POLR1B: variants seen among roughly 807,000 people sequenced by gnomAD.
POLR1B encodes DNA-directed RNA polymerase I subunit RPA2.
In POLR1B, 30 loss-of-function variants were observed where a neutral mutation model predicts 105.8. The ratio of observed to expected loss-of-function variants is 0.28; its 90% CI spans 0.21 to 0.38. The LOEUF is 0.38. Among genes scored for constraint, POLR1B ranks in the 10% least tolerant of loss-of-function variants. The pLI is 1.00. For missense variants in POLR1B, 976 were observed against 1,435.8 expected, an observed-to-expected ratio of 0.68 and a Z score of 5.17; for synonymous variants, 485 against 505.1, an observed-to-expected ratio of 0.96 and a Z score of 0.53.
At chr2:112,572,909 G>T (rs878868901) in intron 13 of POLR1B, 151 bp downstream of exon 13, 44 of 644,188 alleles carry the variant, frequency 6.8e-5, no homozygotes, top group Admixed American at 4.2e-4. Flanking sequence ...AGTCTAAGTT[G>T]AAAGTGGGCA....
chr2:112,575,642 C>T lies in POLR1B; in HGVS notation c.3321C>T (p.Ile1107=), dbSNP rs770178332. 22 of 1,614,084 alleles carry T rather than the reference C, an allele frequency of 1.4e-5. No homozygotes were observed. In the East Asian group the frequency reaches 2.0e-4, roughly 15 times the overall value. ...CTCTGTGTAGTCGCAGTGACACTAT[C>T]GATACTGTTTCTGTGCCTTATGTTT... ...NCTLCSRSDT[I]DTVSVPYVFR... is the part of the protein sequence containing the mutation. Residue 1107 remains isoleucine (I), a synonymous_variant, in exon 15 of 15, where the codon ATC becomes ATT. Coordinates refer to ENST00000263331, the MANE Select transcript of POLR1B (RefSeq NM_019014.6). This position sits in a 1 kb window ranked among gnomAD's most constrained non-coding sequence, Gnocchi z 5.3.
Position 112,549,338 on chromosome 2 carries a change from T to C in POLR1B, c.564T>C (p.Asn188=). 1 of 1,613,712 alleles carries C rather than the reference T, an allele frequency of 6.2e-7. No homozygotes were observed. The highest frequency in any genetic ancestry group is 2.2e-5 in the East Asian group (1 of 44,856). ...VIRMLIMPRR[N]FPIAMIRPKW... is the part of the protein sequence containing the mutation. The stretch of plus-strand genomic sequence containing the variant: ...GAATGTTGATTATGCCTCGGAGAAA[T>C]TTTCCCATTGCAATGATAAGACCAA... Residue 188 remains asparagine (N), a synonymous_variant, in exon 4 of 15, where the codon AAT becomes AAC. Transcript: ENST00000263331.
At position 112,568,149 on chromosome 2, in the gene POLR1B, T is replaced by C. The variant is rs1165619568; in HGVS notation, c.1917+12T>C. On this transcript the variant is annotated intron_variant, in intron 11 of 14. Coordinates refer to ENST00000263331, the MANE Select transcript of POLR1B (RefSeq NM_019014.6). ...GAACTATGGAACAGGTAAATACATA[T>C]GTGTGATGGATGAGTGTATGTGCTT... is the stretch of plus-strand genomic sequence containing the variant. 4.4e-6 allele frequency: 7 copies of C among 1,607,978 alleles called. No individual in the cohort carries two copies. The South Asian group carries it at 6.6e-5, about 15-fold the overall frequency.
intron 6 of POLR1B, 101 bp from the exon 7 acceptor site, chr2:112,552,544 T>A: frequency 8.1e-7 from 1 of 1,240,478 alleles, no homozygotes; most frequent in Non-Finnish European, 1.1e-6. Flanking sequence ...TTTATTTAAT[T>A]AAAGTTAAGT....
intron 9 of POLR1B, among the ~76,000 whole-genome samples, chr2:112,562,806 A>C (rs563893451): frequency 7.0e-6 from 1 of 141,946 alleles, no homozygotes; most frequent in African/African-American, 2.6e-5. Context: ...GCTCACCGCA[A>C]CCTCCACCTC....
At chr2:112,568,616 C>A in intron 11 of POLR1B, 130 bp from the exon 12 acceptor site, 1 of 1,035,614 alleles carries the variant, frequency 9.7e-7, no homozygotes. Context: ...CAGTTGATCC[C>A]TTCAGCACTC....
intron 9 of POLR1B, among the ~76,000 whole-genome samples, chr2:112,560,462 C>T (rs1042391142): frequency 3.3e-5 from 5 of 152,024 alleles, no homozygotes. Flanking sequence ...AGATATATAA[C>T]CTTTTTTCCT....
chr2:112,542,426 C>G (rs1221669253), upstream of POLR1B: 1 of 1,329,120 alleles, frequency 7.5e-7, no homozygotes, highest in African/African-American at 1.5e-5. Context: ...GCCACTACTT[C>G]CGGCGTGTAC....
Position 112,550,881 on chromosome 2 carries a change from G to C in POLR1B, c.641G>C (p.Cys214Ser). The C allele has an allele frequency of 6.2e-7, 1 of 1,614,146 alleles. No homozygotes were observed. The highest frequency in any genetic ancestry group is 8.5e-7 in the Non-Finnish European group (1 of 1,179,994). ...GYTQYGVSMH[C>S]VREEHSAVNM... ...GGTTCAATAGGAGTTTCAATGCACT[G>C]TGTGAGGGAAGAACATTCCGCTGTC... The change falls in exon 5 of 15, where the codon TGT (cysteine) becomes TCT (serine). Residue 214 changes from cysteine to serine, a missense_variant. Transcript: ENST00000263331.
rs1296898524 is a variant in POLR1B, at chr2:112,551,883, G to C, written c.871G>C (p.Glu291Gln). 1 of 1,613,884 alleles carries C rather than the reference G, an allele frequency of 6.2e-7. No individual in the cohort carries two copies. The highest frequency in any genetic ancestry group is 8.5e-7 in the Non-Finnish European group (1 of 1,179,860). ...TTCTCAGATGTTAAGGATTGTAATG[G>C]AAGAGGGTTGTTCGACACAAAAACA... ...SVSQMLRIVM[E>Q]EGCSTQKQVL... The change falls in exon 6 of 15, where the codon GAA (glutamate) becomes CAA (glutamine). Residue 291 changes from glutamate to glutamine, a missense_variant. Physicochemically the swap from Glu to Gln is conservative, Grantham distance 29 (BLOSUM62 2). This residue lies in a region of POLR1B where 452 missense variants were observed against 616.5 expected (regional missense o/e 0.73). Coordinates refer to ENST00000263331, the MANE Select transcript of POLR1B (RefSeq NM_019014.6).
chr2:112,558,733 G>A (rs911486506), intron 8 of POLR1B, among the ~76,000 whole-genome samples: 13 of 151,696 alleles, frequency 8.6e-5, no homozygotes, highest in African/African-American at 3.1e-4. Flanking sequence ...ATCCTCCGAC[G>A]TCAGCCCCAC....
Position 112,575,674 on chromosome 2 carries a change from A to T in POLR1B, c.3353A>T (p.Tyr1118Phe). Reference protein sequence around the residue: ...DTVSVPYVFRYFVAELAAMNI... With the variant: ...DTVSVPYVFRFFVAELAAMNI... ...GTTTCTGTGCCTTATGTTTTTCGGT[A>T]TTTTGTAGCTGAACTGGCAGCTATG... is the stretch of plus-strand genomic sequence containing the variant. The change falls in exon 15 of 15, where the codon TAT becomes TTT. Residue 1118 changes from tyrosine (Y) to phenylalanine (F), a missense_variant. Around this residue, in one of 12 missense-constraint regions of POLR1B, gnomAD observed 77 missense variants for 104.5 expected, o/e 0.74. Coordinates refer to ENST00000263331, the MANE Select transcript of POLR1B (RefSeq NM_019014.6). This position sits in a 1 kb window ranked among gnomAD's most constrained non-coding sequence, Gnocchi z 5.3. 1 of 1,613,946 alleles carries T rather than the reference A, an allele frequency of 6.2e-7. No individual in the cohort carries two copies. Among genetic ancestry groups the T allele is most frequent in the Non-Finnish European group, 8.5e-7 (1 of 1,179,972 alleles).
Position 112,567,921 on chromosome 2 carries a change from A to G in POLR1B, c.1747-46A>G, listed in dbSNP as rs117862252. On this transcript the variant is annotated intron_variant, in intron 10 of 14. Transcript: ENST00000263331. ...GGGCATAAGACTGGCAGCGACAGCCATGGCCTTGGGACAGGTTTGTTAAAC... is the reference window on the plus strand; with the variant it reads ...GGGCATAAGACTGGCAGCGACAGCCGTGGCCTTGGGACAGGTTTGTTAAAC... 1,803 of 1,544,504 alleles carry G rather than the reference A, an allele frequency of 1.2e-3. 37 individuals are homozygous for G. The East Asian group carries it at 0.034, about 29-fold the overall frequency.
rs1359749656 is a variant in POLR1B at position 112,578,196 on chromosome 2, T to A, written c.*2467T>A. 6.6e-6 allele frequency among the ~76,000 whole-genome samples: 1 copy of A among 152,236 alleles called. No individual in the cohort carries two copies. The highest frequency in any genetic ancestry group is 1.5e-5 in the Non-Finnish European group (1 of 68,042). ...TTTCACCCATTTTACATGCACTCAT[T>A]TGTGTTGCATGTGATATATAGTTCT... On this transcript the variant is annotated 3_prime_UTR_variant, in exon 15 of 15. Coordinates refer to ENST00000263331, the MANE Select transcript of POLR1B (RefSeq NM_019014.6).
intron 1 of POLR1B, 106 bp downstream of exon 1, chr2:112,542,777 C>A: frequency 7.1e-7 from 1 of 1,408,216 alleles, no homozygotes. Flanking sequence ...TTGATCCTGA[C>A]AGGCTTGGTG....
At chr2:112,542,193 G>A (rs1163521884), upstream of POLR1B, 5 of 1,535,624 alleles carry the variant, frequency 3.3e-6, no homozygotes, top group Non-Finnish European at 4.4e-6. Flanking sequence ...GGCGGGGAGC[G>A]GGTTTCCACC....
chr2:112,566,126 A>T (rs1350751987), intron 10 of POLR1B, among the ~76,000 whole-genome samples: 1 of 152,058 alleles, frequency 6.6e-6, no homozygotes, highest in Non-Finnish European at 1.5e-5. Flanking sequence ...AGTGCTGGGA[A>T]TCACAGCTCT....
intron 3 of POLR1B, 75 bp from the exon 4 acceptor site, chr2:112,549,192 G>C (rs1683230757): frequency 5.9e-6 from 9 of 1,517,090 alleles, no homozygotes; most frequent in Admixed American, 5.1e-5. Context: ...TACTACCTTT[G>C]GCTAGGAGTG....
rs768747419 is a variant in POLR1B at position 112,568,913 on chromosome 2, G to A, written c.2074+11G>A. The stretch of plus-strand genomic sequence containing the variant: ...ACCAATGCCAGATGGGTAAGGAAGA[G>A]GGATGATGTTACAGTCACAATCAGG... On this transcript the variant is annotated intron_variant, in intron 12 of 14. Transcript: ENST00000263331. 1 of 1,612,580 alleles carries A rather than the reference G, an allele frequency of 6.2e-7. No homozygotes were observed. Among genetic ancestry groups the A allele is most frequent in the Admixed American group, 1.7e-5 (1 of 59,818 alleles).
Sources: allele counts gnomAD v4.1 joint callset (sites outside exome capture counted in the v4.1 genomes callset), GRCh38; gene constraint gnomAD v4.1.1; regional missense constraint gnomAD v4.1.1; non-coding constraint Gnocchi (gnomAD v3.1); transcripts MANE v1.5; gene names NCBI Gene and HGNC (gene_info 2026-07-23, HGNC 2026-07-21).